Variants in KRT81 observed in about 807,000 individuals in gnomAD.
KRT81 encodes the protein keratin, type II cuticular Hb1.
Under a neutral mutation model 35.8 loss-of-function variants are expected in KRT81, and 35 were observed. The observed-to-expected ratio is 0.98, with a 90% CI of 0.75 to 1.30. KRT81 has a LOEUF of 1.30. Among genes scored for constraint, KRT81 ranks in the 50% most tolerant of loss-of-function variants. The pLI is 0.00. For missense variants in KRT81, 531 were observed against 577.4 expected (o/e 0.92, Z 0.82); for synonymous variants, 249 against 251.2 (o/e 0.99, Z 0.08).
rs965450179 is a variant in KRT81 at position 52,286,377 on chromosome 12, C to T, written c.1396G>A (p.Gly466Ser). 3.7e-5 allele frequency: 57 copies of T among 1,555,136 alleles called. 1 individual carries two copies. The highest frequency in any genetic ancestry group is 5.8e-5 in the Admixed American group (3 of 51,472). ...AATTGGCCGCAGGGCGCACACAGGCCGGTGCTCACCGCCACGTTCCCGTTG... is the reference window on the plus strand; with the variant it reads ...AATTGGCCGCAGGGCGCACACAGGCTGGTGCTCACCGCCACGTTCCCGTTG... Reference protein sequence around the residue: ...PCNGNVAVSTGLCAPCGQLNT... With the variant: ...PCNGNVAVSTSLCAPCGQLNT... The change falls in exon 9 of 9, where the codon GGC (glycine) becomes AGC (serine). Residue 466 changes from glycine to serine, a missense_variant. By Grantham distance (56) the Gly-to-Ser change is moderately conservative (BLOSUM62 0). Around this residue, in one of 5 missense-constraint regions of KRT81, gnomAD observed 150 missense variants for 145.4 expected, o/e 1.03. Coordinates refer to ENST00000327741, the MANE Select transcript of KRT81 (RefSeq NM_002281.4).
In KRT81 at chr12:52,286,166, T is replaced by G; in HGVS notation, c.*89A>C. 1 of 1,033,142 alleles carries G rather than the reference T, an allele frequency of 9.7e-7. No homozygotes were observed. The highest frequency in any genetic ancestry group is 2.9e-4 in the Middle Eastern group (1 of 3,446). The allele number at this position is 1,033,142 out of a possible 1,614,324, so 64.0% of individuals were successfully genotyped here. Reference sequence around the variant, plus strand: ...TCTTTCAAAGTGCAGGAGAAGTAGCTGAGCACTTGCTCCAGGCGCCTGGAC... The same window carrying G: ...TCTTTCAAAGTGCAGGAGAAGTAGCGGAGCACTTGCTCCAGGCGCCTGGAC... On this transcript the variant is annotated 3_prime_UTR_variant, in exon 9 of 9. Coordinates refer to ENST00000327741, the MANE Select transcript of KRT81 (RefSeq NM_002281.4).
chr12:52,291,133 C>T lies in KRT81; in HGVS notation c.333G>A (p.Lys111=), dbSNP rs780927374. ...AGGCCGCGAACCTGCTGTTGAGGGA[C>T]TTGATCTGCTCCTTCTCCTCCTGCT... ...CVKQEEKEQI[K]SLNSRFAAFI... Residue 111 remains lysine (K), a synonymous_variant, in exon 1 of 9, where the codon AAG becomes AAA. Coordinates refer to ENST00000327741, the MANE Select transcript of KRT81 (RefSeq NM_002281.4). The T allele has an allele frequency of 1.8e-4, 176 of 968,444 alleles. No individual in the cohort carries two copies. The highest frequency in any genetic ancestry group is 3.1e-4 in the Middle Eastern group (1 of 3,186). 60.0% of individuals were successfully genotyped at this position (968,444 alleles called of 1,614,324 possible).
Position 52,286,430 on chromosome 12 carries a change from A to G in KRT81, c.1343T>C (p.Val448Ala), listed in dbSNP as rs1419981004. The G allele has an allele frequency of 6.4e-7, 1 of 1,553,032 alleles. No homozygotes were observed. Among genetic ancestry groups the G allele is most frequent in the South Asian group, 1.2e-5 (1 of 84,178 alleles). The change falls in exon 9 of 9, where the codon GTG becomes GCG. Residue 448 changes from valine to alanine, a missense_variant. Coordinates refer to ENST00000327741, the MANE Select transcript of KRT81 (RefSeq NM_002281.4). ...GDLCVSGSRP[V>A]TGSVCSAPCN... ...CGGAGCGCTGCAGACACTGCCAGTCACTGGCCGGGAGCCTGACACGCAGAG... is the reference window on the plus strand; with the variant it reads ...CGGAGCGCTGCAGACACTGCCAGTCGCTGGCCGGGAGCCTGACACGCAGAG...
chr12:52,291,063 G>T, intron 1 of KRT81, 34 bp downstream of exon 1: 1 of 525,184 alleles, frequency 1.9e-6, no homozygotes, highest in Non-Finnish European at 3.0e-6. Flanking sequence ...GTAGGTGGTG[G>T]GGGTTCAGGA....
chr12:52,287,029 C>A, intron 7 of KRT81, 73 bp downstream of exon 7: 1 of 1,610,650 alleles, frequency 6.2e-7, no homozygotes, highest in Non-Finnish European at 8.5e-7. Context: ...GGCCATTGCT[C>A]AGCCAAGGCC....
rs200239075 is a variant in KRT81, at chr12:52,288,011, G to A, written c.873C>T (p.Ala291=). ...TGCTGCGGTACCAGGACTCGGCCTC[G>A]GCCCGGCTGCGGGTGACAATGTCGT... is the stretch of plus-strand genomic sequence containing the variant. ...QYDDIVTRSR[A]EAESWYRSKC... Residue 291 remains alanine (A), a synonymous_variant, in exon 5 of 9, where the codon GCC becomes GCT. Transcript: ENST00000327741. The A allele has an allele frequency of 4.0e-5, 65 of 1,614,084 alleles. No individual in the cohort carries two copies. The highest frequency in any genetic ancestry group is 2.7e-4 in the South Asian group (25 of 91,084).
At chr12:52,286,579 C>T in intron 8 of KRT81, 86 bp from the exon 9 acceptor site, 1 of 1,395,160 alleles carries the variant, frequency 7.2e-7, no homozygotes. Flanking sequence ...GACCTGAGCT[C>T]TGGTATGAAA....
At chr12:52,287,033 CA>C (rs1937965668) in intron 7 of KRT81, 68 bp downstream of exon 7, 1 of 1,611,582 alleles carries the variant, frequency 6.2e-7, no homozygotes, top group African/African-American at 1.3e-5. Flanking sequence ...ATTGCTCAGC[CA>C]AGGCCAAGGG....
chr12:52,287,378 C>T lies in KRT81; in HGVS notation c.1027-56G>A, dbSNP rs1314450047. ...AGAGTCCCTGGGTCTCTCTGATGCT[C>T]ATCCAAATGAGACCACACTCCCCAC... On this transcript the variant is annotated intron_variant, in intron 6 of 8. Transcript: ENST00000327741. The T allele has an allele frequency of 3.1e-6, 5 of 1,603,892 alleles. No homozygotes were observed. In the East Asian group the frequency reaches 9.0e-5, roughly 29 times the overall value.
rs202176338 is a variant in KRT81, at chr12:52,291,379, G to A, written c.87C>T (p.Ala29=). Residue 29 remains alanine, a synonymous_variant, in exon 1 of 9, where the codon GCC becomes GCT. Coordinates refer to ENST00000327741, the MANE Select transcript of KRT81 (RefSeq NM_002281.4). ...GPRPGRCCIT[A]APYRGISCYR... The stretch of plus-strand genomic sequence containing the variant: ...AGCAGGAGATGCCACGGTAGGGGGC[G>A]GCGGTGATGCAGCAGCGGCCGGGCC... 119 of 1,605,070 alleles carry A rather than the reference G, an allele frequency of 7.4e-5. No individual in the cohort carries two copies. Among genetic ancestry groups the A allele is most frequent in the Non-Finnish European group, 9.0e-5 (106 of 1,176,420 alleles).
chr12:52,288,546 G>A lies in KRT81; in HGVS notation c.640-90C>T. On this transcript the variant is annotated intron_variant, in intron 3 of 8. Coordinates refer to ENST00000327741, the MANE Select transcript of KRT81 (RefSeq NM_002281.4). ...TGCCCATCCATTCCATGTAGCCAGG[G>A]GAAAGCAGTCCCTGGTGTCCCATTC... 10 of 1,482,714 alleles carry A rather than the reference G, an allele frequency of 6.7e-6. No homozygotes were observed. The South Asian group carries it at 9.0e-5, about 13-fold the overall frequency. The allele number at this position is 1,482,714 out of a possible 1,614,324, so 91.8% of individuals were successfully genotyped here.
rs956977110 is a variant in KRT81 at position 52,286,331 on chromosome 12, C to T, written c.1442G>A (p.Gly481Asp). ...ACCACAGGAGCCCACGCCGCAGGAACCCCCTCCGCAGGTGGTGTTCAATTG... is the reference window on the plus strand; with the variant it reads ...ACCACAGGAGCCCACGCCGCAGGAATCCCCTCCGCAGGTGGTGTTCAATTG... ...CGQLNTTCGG[G>D]SCGVGSCGIS... Residue 481 changes from glycine to aspartate, a missense_variant, in exon 9 of 9, where the codon GGT (glycine) becomes GAT (aspartate). Physicochemically the swap from Gly to Asp is moderately conservative, Grantham distance 94 (BLOSUM62 -1). Coordinates refer to ENST00000327741, the MANE Select transcript of KRT81 (RefSeq NM_002281.4). The T allele has an allele frequency of 2.6e-6, 4 of 1,554,824 alleles. No homozygotes were observed. Among genetic ancestry groups the T allele is most frequent in the Non-Finnish European group, 3.5e-6 (4 of 1,148,748 alleles).
At position 52,286,309 on chromosome 12, in the gene KRT81, A is replaced by G; in HGVS notation, c.1464T>C (p.Cys488=). 1 of 1,554,452 alleles carries G rather than the reference A, an allele frequency of 6.4e-7. No individual in the cohort carries two copies. ...CGGGSCGVGS[C]GISSLGVGSC... ...ACCCCACACCCAGGGAGCTGATACC[A>G]CAGGAGCCCACGCCGCAGGAACCCC... Residue 488 remains cysteine, a synonymous_variant, in exon 9 of 9, where the codon TGT becomes TGC. Coordinates refer to ENST00000327741, the MANE Select transcript of KRT81 (RefSeq NM_002281.4).
chr12:52,287,947 T>G (rs745961200), intron 5 of KRT81, 37 bp downstream of exon 5: 1 of 1,614,100 alleles, frequency 6.2e-7, no homozygotes, highest in Non-Finnish European at 8.5e-7. Flanking sequence ...TCCCTCCCAC[T>G]GACACGTCTA....
chr12:52,287,030 AGCCAAG>A, intron 7 of KRT81, 66 bp downstream of exon 7: 1 of 1,611,400 alleles, frequency 6.2e-7, no homozygotes, highest in East Asian at 2.2e-5. Flanking sequence ...GCCATTGCTC[AGCCAAG>A]GCCAAGGGTA....
intron 8 of KRT81, 120 bp from the exon 9 acceptor site, chr12:52,286,613 A>G: frequency 8.0e-7 from 1 of 1,247,462 alleles, no homozygotes; most frequent in Non-Finnish European, 1.1e-6. Flanking sequence ...TTTGTGGACA[A>G]TTCTAGGTCC....
At position 52,291,196 on chromosome 12, in the gene KRT81, G is replaced by A; in HGVS notation, c.270C>T (p.Pro90=). 7.4e-7 allele frequency: 1 copy of A among 1,357,142 alleles called. No homozygotes were observed. The highest frequency in any genetic ancestry group is 1.4e-5 in the South Asian group (1 of 72,566). The allele number at this position is 1,357,142 out of a possible 1,614,324, so 84.1% of individuals were successfully genotyped here. A position where few individuals can be genotyped will look rare whatever the true frequency, so the allele number is the denominator to read the frequency against. ...CGTTGGGGTCGATCTCCAGGTTGAG[G>A]GGCGTGAGGAGGCTCTCGTTGACCG... ...TVSVNESLLT[P]LNLEIDPNAQ... Residue 90 remains proline, a synonymous_variant, in exon 1 of 9, where the codon CCC becomes CCT. Transcript: ENST00000327741.
Position 52,286,284 on chromosome 12 carries a change from AC to A in KRT81, c.1488del (p.Ser497LeufsTer76), listed in dbSNP as rs1407731320. 1.3e-6 allele frequency: 2 copies of A among 1,553,756 alleles called. No homozygotes were observed. The highest frequency in any genetic ancestry group is 2.4e-5 in the South Asian group (2 of 84,170). On this transcript the variant is annotated frameshift_variant, in exon 9 of 9. Coordinates refer to ENST00000327741, the MANE Select transcript of KRT81 (RefSeq NM_002281.4). LOFTEE classifies it high-confidence loss of function. ...GSCGISSLGVGSCGSSCRKC is the reference protein window; with the variant it reads ...GSCGISSLGVXSCGSSCRKC ...CATTTCCGGCAGCTGCTGCCGCAAGACCCCACACCCAGGGAGCTGATACCAC... is the reference window on the plus strand; with the variant it reads ...CATTTCCGGCAGCTGCTGCCGCAAGACCCACACCCAGGGAGCTGATACCAC...
intron 5 of KRT81, 83 bp downstream of exon 5, chr12:52,287,901 C>A (rs1298325707): frequency 2.2e-5 from 36 of 1,611,494 alleles, no homozygotes; most frequent in Non-Finnish European, 3.0e-5. Flanking sequence ...GACCAGCATC[C>A]CCAGAAAAGG....
Sources: allele counts gnomAD v4.1 joint callset, GRCh38; gene constraint gnomAD v4.1.1; regional missense constraint gnomAD v4.1.1; transcripts MANE v1.5; gene names NCBI Gene and HGNC (gene_info 2026-07-23, HGNC 2026-07-21).